The following PRDM10 variants were observed in gnomAD, a reference collection of about 807,000 sequenced individuals.
PRDM10 encodes PR domain zinc finger protein 10.
PRDM10 carries 65 observed loss-of-function variants against 133.1 expected under a neutral mutation model. The observed-to-expected ratio is 0.49, with a 90% CI of 0.40 to 0.60. The LOEUF (loss-of-function observed/expected upper bound fraction) is 0.60, where lower values mean the gene tolerates loss of function less well. PRDM10 is among the 20% of genes least tolerant of loss of function. The probability of loss-of-function intolerance (pLI) is 0.00; values close to 1 mark genes in which losing one functional copy is unlikely to be tolerated. For missense variants in PRDM10, 1,137 were observed against 1,507.1 expected (o/e 0.75, Z 4.07); for synonymous variants, 582 against 580.4 (o/e 1.00, Z -0.04).
rs112776571 is a variant in PRDM10, at chr11:129,977,850, G to A, written c.-118-16768C>T. Among the ~76,000 whole-genome samples, 392 of 152,188 alleles carry A rather than the reference G, an allele frequency of 2.6e-3. 3 individuals carry two copies. The highest frequency in any genetic ancestry group is 9.0e-3 in the African/African-American group (375 of 41,512). ...GTGCACCTGTTGTCCCAGCTAAGTC[G>A]GGAGGCTGAAGTGGGAGGATCGTTT... On this transcript the variant is annotated intron_variant, in intron 1 of 20. Coordinates refer to ENST00000360871, the MANE Select transcript of PRDM10 (RefSeq NM_199437.2).
intron 13 of PRDM10, among the ~76,000 whole-genome samples, chr11:129,921,161 A>G (rs1328265348): frequency 2.0e-5 from 3 of 152,152 alleles, no homozygotes; most frequent in African/African-American, 4.8e-5. Context: ...CTTGACTTCA[A>G]TGCTGCCCTC....
intron 1 of PRDM10, among the ~76,000 whole-genome samples, chr11:129,980,167 C>T (rs1022384929): frequency 1.3e-5 from 2 of 152,108 alleles, no homozygotes; most frequent in Admixed American, 1.3e-4. Flanking sequence ...TCATAGTTAC[C>T]GTACGACCAA....
At chr11:129,951,855 A>C (rs1951590239) in intron 4 of PRDM10, among the ~76,000 whole-genome samples, 1 of 152,178 alleles carries the variant, frequency 6.6e-6, no homozygotes. Context: ...ATACATGAAA[A>C]AGGATTCAAG....
intron 20 of PRDM10, among the ~76,000 whole-genome samples, chr11:129,904,501 CT>C (rs531539524): frequency 6.6e-6 from 1 of 151,396 alleles, no homozygotes; most frequent in South Asian, 2.1e-4. Context: ...GAGTATTTTT[CT>C]TTTTTTTTCT....
intron 7 of PRDM10, among the ~76,000 whole-genome samples, chr11:129,941,380 A>G (rs1411813791): frequency 2.0e-5 from 3 of 152,242 alleles, no homozygotes; most frequent in Admixed American, 2.0e-4. Context: ...ATAAATTTCA[A>G]TAGTTATTAC....
intron 19 of PRDM10, among the ~76,000 whole-genome samples, chr11:129,908,625 G>A (rs1950086766): frequency 6.6e-6 from 1 of 152,002 alleles, no homozygotes; most frequent in South Asian, 2.1e-4. Context: ...CTGGACAATG[G>A]GTACAGGATG....
chr11:129,905,363 G>GA (rs57268294), intron 20 of PRDM10, among the ~76,000 whole-genome samples: 1,955 of 69,370 alleles, frequency 0.028, 61 homozygotes, highest in African/African-American at 0.063. Context: ...CTCTGTCTCA[G>GA]AAAAAAAAAA....
intron 6 of PRDM10, 56 bp downstream of exon 6, chr11:129,944,715 T>A: frequency 6.3e-7 from 1 of 1,595,644 alleles, no homozygotes; most frequent in Admixed American, 1.8e-5. Flanking sequence ...GACAACGCAG[T>A]GCTCCTTCAA....
intron 1 of PRDM10, among the ~76,000 whole-genome samples, chr11:129,975,216 C>T (rs1369607786): frequency 2.0e-5 from 3 of 152,122 alleles, no homozygotes; most frequent in African/African-American, 4.8e-5. Flanking sequence ...CACCTGAGGT[C>T]AGGAGTTCGA....
chr11:129,986,532 G>A (rs760025027), intron 1 of PRDM10, among the ~76,000 whole-genome samples: 6 of 152,144 alleles, frequency 3.9e-5, no homozygotes, highest in South Asian at 2.1e-4. Context: ...GACTACAGGC[G>A]TGCAGCACCA....
intron 6 of PRDM10, among the ~76,000 whole-genome samples, chr11:129,943,570 G>T (rs975806201): frequency 5.9e-5 from 9 of 152,174 alleles, no homozygotes; most frequent in Non-Finnish European, 1.2e-4. Context: ...TTATAAGAAG[G>T]GAAGATGGGC....
At chr11:129,997,853 A>G (rs1301209052) in intron 1 of PRDM10, among the ~76,000 whole-genome samples, 2 of 152,218 alleles carry the variant, frequency 1.3e-5, no homozygotes, top group Admixed American at 6.5e-5. Flanking sequence ...ATTCTTCAAA[A>G]TAATAATCAT....
At position 129,974,691 on chromosome 11, in the gene PRDM10, G is replaced by A. The variant is rs191788748; in HGVS notation, c.-118-13609C>T. Among the ~76,000 whole-genome samples, 32 of 152,268 alleles carry A rather than the reference G, an allele frequency of 2.1e-4. No individual in the cohort carries two copies. The South Asian group carries it at 2.7e-3, about 13-fold the overall frequency. ...ACCAGGATATGGGGACACTTGCTGG[G>A]CGCCCACCATTCTCAGACGCCTGAA... On this transcript the variant is annotated intron_variant, in intron 1 of 20. Transcript: ENST00000360871.
At chr11:129,987,650 C>T (rs1236742359) in intron 1 of PRDM10, among the ~76,000 whole-genome samples, 1 of 152,122 alleles carries the variant, frequency 6.6e-6, no homozygotes, top group Non-Finnish European at 1.5e-5. Flanking sequence ...TACTCATCAA[C>T]TGATAAGTGA....
At chr11:129,988,977 G>C (rs971221727) in intron 1 of PRDM10, among the ~76,000 whole-genome samples, 2 of 152,164 alleles carry the variant, frequency 1.3e-5, no homozygotes, top group African/African-American at 4.8e-5. Context: ...AGAAACTGAG[G>C]GCATGCTTAG....
At chr11:129,948,144 T>C in intron 4 of PRDM10, 1 of 439,134 alleles carries the variant, frequency 2.3e-6, no homozygotes, top group Non-Finnish European at 4.5e-6. Flanking sequence ...TGTATTAGGT[T>C]AATGCTATCT....
chr11:129,998,356 T>C (rs183302809), intron 1 of PRDM10, among the ~76,000 whole-genome samples: 12 of 150,804 alleles, frequency 8.0e-5, no homozygotes, highest in Admixed American at 7.9e-4. Flanking sequence ...TTACCATCAG[T>C]GAAAGTGAAG....
chr11:129,911,992 G>A, intron 18 of PRDM10, 93 bp downstream of exon 18: 1 of 1,378,340 alleles, frequency 7.3e-7, no homozygotes. Context: ...TAGCTGAGGA[G>A]ACTAGGTCTG....
chr11:129,902,687 C>T (rs190704878), intron 20 of PRDM10, among the ~76,000 whole-genome samples, 171 bp from the exon 21 acceptor site: 25 of 152,188 alleles, frequency 1.6e-4, no homozygotes, highest in African/African-American at 4.6e-4. Flanking sequence ...CAATAATTGA[C>T]GACAAAGATA....
Sources: gnomAD v4.1 joint callset for allele counts (sites outside exome capture counted in the v4.1 genomes callset) on GRCh38, gnomAD v4.1.1 for gene constraint, MANE v1.5 for transcripts, NCBI Gene and HGNC (gene_info 2026-07-23, HGNC 2026-07-21) for gene names.